Variants in DCC observed in about 807,000 individuals in gnomAD.
The protein encoded by DCC is DCC netrin 1 receptor, also known as netrin receptor DCC.
In DCC, 58 loss-of-function variants were observed where a neutral mutation model predicts 172.5. The observed-to-expected ratio is 0.34, with a 90% CI of 0.27 to 0.42. DCC has a LOEUF of 0.42. Among genes scored for constraint, DCC ranks in the 10% least tolerant of loss-of-function variants. The pLI, the probability that DCC is intolerant of heterozygous loss-of-function variation, is 1.00. For synonymous variants in DCC, 709 were observed against 644.5 expected, an observed-to-expected ratio of 1.10 and a Z score of -1.52; for missense variants, 1,740 against 1,791.0, an observed-to-expected ratio of 0.97 and a Z score of 0.51.
Position 53,358,530 on chromosome 18 carries a change from C to CTTTTTT in DCC, c.2359+18640_2359+18645dup, listed in dbSNP as rs35093625. ...GAAATGTAAGACATATTCTCTCTCT[C>CTTTTTT]TTTTTTTTTTTTTTTTTTTTTTGCG... On this transcript the variant is annotated intron_variant, in intron 15 of 28. Transcript: ENST00000442544. Among the ~76,000 whole-genome samples the CTTTTTT allele has an allele frequency of 5.2e-3, 496 of 95,914 alleles. 22 individuals carry two copies. The highest frequency in any genetic ancestry group is 0.01 in the Middle Eastern group (1 of 100). 62.9% of individuals were successfully genotyped at this position (95,914 alleles called of 152,430 possible).
intron 1 of DCC, among the ~76,000 whole-genome samples, chr18:52,569,956 G>C (rs924968845): frequency 6.6e-6 from 1 of 152,106 alleles, no homozygotes; most frequent in African/African-American, 2.4e-5. Context: ...TAAAGTCGTA[G>C]TTGAATTCAA....
chr18:52,979,202 A>G (rs547286909), intron 5 of DCC, among the ~76,000 whole-genome samples: 5 of 152,322 alleles, frequency 3.3e-5, no homozygotes, highest in East Asian at 3.9e-4. Context: ...GCCAAGAGGA[A>G]TGCAAAAGAT....
At chr18:53,510,259 TC>T (rs1369773786) in intron 27 of DCC, among the ~76,000 whole-genome samples, 1 of 152,190 alleles carries the variant, frequency 6.6e-6, no homozygotes, top group African/African-American at 2.4e-5. Context: ...AATAAAAATT[TC>T]CCATTCAGCC....
At chr18:52,577,776 T>C (rs1278567014) in intron 1 of DCC, among the ~76,000 whole-genome samples, 1 of 152,190 alleles carries the variant, frequency 6.6e-6, no homozygotes, top group Non-Finnish European at 1.5e-5. Flanking sequence ...AGGCATATTC[T>C]TGGCAGAGAT....
chr18:53,364,986 C>G (rs1366601024), intron 15 of DCC, among the ~76,000 whole-genome samples: 2 of 147,696 alleles, frequency 1.4e-5, no homozygotes, highest in Admixed American at 1.4e-4. Context: ...TCTCTGAATT[C>G]TATCTTTAAG....
chr18:53,370,930 C>T (rs367625676), intron 15 of DCC, among the ~76,000 whole-genome samples: 10 of 151,684 alleles, frequency 6.6e-5, no homozygotes, highest in East Asian at 1.9e-4. Context: ...AAAATTTTAC[C>T]GAAACAAGTG....
At chr18:53,042,586 G>A (rs1047824646) in intron 5 of DCC, among the ~76,000 whole-genome samples, 1 of 151,564 alleles carries the variant, frequency 6.6e-6, no homozygotes, top group African/African-American at 2.4e-5. Context: ...CTAATATCCA[G>A]AATCTACAAA....
intron 1 of DCC, among the ~76,000 whole-genome samples, chr18:52,608,173 A>G (rs1169174610): frequency 6.6e-6 from 1 of 152,082 alleles, no homozygotes; most frequent in Non-Finnish European, 1.5e-5. Context: ...TCCCTTTATA[A>G]AATCAGGAGT....
At chr18:52,383,155 C>A (rs565925963) in intron 1 of DCC, among the ~76,000 whole-genome samples, 9 of 152,012 alleles carry the variant, frequency 5.9e-5, no homozygotes, top group Non-Finnish European at 1.0e-4. Context: ...AGACAAAATT[C>A]TTGAGTTAAG....
intron 1 of DCC, among the ~76,000 whole-genome samples, chr18:52,492,410 G>T (rs1414399469): frequency 6.6e-6 from 1 of 151,900 alleles, no homozygotes; most frequent in Non-Finnish European, 1.5e-5. Flanking sequence ...GATCACTAAA[G>T]GAACAAGGTT....
At chr18:53,051,812 A>G (rs1453159168) in intron 5 of DCC, among the ~76,000 whole-genome samples, 5 of 152,020 alleles carry the variant, frequency 3.3e-5, no homozygotes, top group Non-Finnish European at 7.4e-5. Flanking sequence ...CTTAAATAAG[A>G]TATATCTCTA....
chr18:53,181,294 T>A (rs2055192179), intron 9 of DCC, among the ~76,000 whole-genome samples: 1 of 152,196 alleles, frequency 6.6e-6, no homozygotes, highest in Non-Finnish European at 1.5e-5. Context: ...CTGATAAAAA[T>A]CCTGGTTGGT....
chr18:53,326,877 A>G (rs1316072021), intron 14 of DCC, among the ~76,000 whole-genome samples: 32 of 152,186 alleles, frequency 2.1e-4, no homozygotes, highest in Admixed American at 2.1e-3. Context: ...GTAGCTGAAG[A>G]TATCTGTGTT....
intron 27 of DCC, among the ~76,000 whole-genome samples, chr18:53,523,406 A>G (rs936852703): frequency 1.3e-5 from 2 of 152,044 alleles, no homozygotes; most frequent in Non-Finnish European, 2.9e-5. Context: ...CAGCAATCCT[A>G]TTACTGGATT....
intron 9 of DCC, among the ~76,000 whole-genome samples, chr18:53,182,838 C>T (rs567219646): frequency 2.0e-5 from 3 of 152,208 alleles, no homozygotes; most frequent in Admixed American, 2.0e-4. Flanking sequence ...CGCCATCCTT[C>T]CCTCTTTGTT....
chr18:52,359,863 T>C (rs1354388010), intron 1 of DCC, among the ~76,000 whole-genome samples: 1 of 152,224 alleles, frequency 6.6e-6, no homozygotes, highest in Non-Finnish European at 1.5e-5. Flanking sequence ...GGAATTAATA[T>C]TATGTCCTTT....
chr18:52,444,163 G>C (rs1363711938), intron 1 of DCC, among the ~76,000 whole-genome samples: 1 of 152,164 alleles, frequency 6.6e-6, no homozygotes. Context: ...ACCTGAACCA[G>C]GTCTGGAAGG....
At chr18:53,425,271 C>T (rs1910847506) in intron 21 of DCC, among the ~76,000 whole-genome samples, 1 of 150,668 alleles carries the variant, frequency 6.6e-6, no homozygotes, top group African/African-American at 2.4e-5. Context: ...TCAAGTCATA[C>T]ATACCTAAAC....
chr18:53,276,647 G>C (rs1455322658), intron 12 of DCC, among the ~76,000 whole-genome samples: 1 of 152,136 alleles, frequency 6.6e-6, no homozygotes, highest in African/African-American at 2.4e-5. Context: ...CATGCAGATG[G>C]AAATGAAGGG....
Sources: gnomAD v4.1 joint callset for allele counts (sites outside exome capture counted in the v4.1 genomes callset) on GRCh38, gnomAD v4.1.1 for gene constraint, MANE v1.5 for transcripts, NCBI Gene and HGNC (gene_info 2026-07-23, HGNC 2026-07-21) for gene names.